AK9: variants seen among roughly 807,000 people sequenced by gnomAD.
AK9 encodes the protein adenylate kinase domain containing 1.
AK9 carries 191 observed loss-of-function variants against 239.6 expected under a neutral mutation model. The ratio of observed to expected loss-of-function variants is 0.80; its 90% CI spans 0.71 to 0.90. The LOEUF is 0.90. AK9 is among the 40% of genes least tolerant of loss of function. AK9 has a pLI of 0.00. For missense variants in AK9, 1,995 were observed against 2,214.7 expected, an observed-to-expected ratio of 0.90 and a Z score of 1.99; for synonymous variants, 689 against 721.0, an observed-to-expected ratio of 0.96 and a Z score of 0.71.
intron 19 of AK9, among the ~76,000 whole-genome samples, chr6:109,580,910 T>TG (rs1788772282): frequency 7.3e-6 from 1 of 137,758 alleles, no homozygotes; most frequent in Admixed American, 7.3e-5. Flanking sequence ...CGTGGTTTTT[T>TG]TTTGTGTTTT....
chr6:109,559,201 C>G (rs942987223), intron 24 of AK9, among the ~76,000 whole-genome samples: 1 of 148,926 alleles, frequency 6.7e-6, no homozygotes, highest in Non-Finnish European at 1.5e-5. Context: ...TGGGGTCTCT[C>G]TCTGTCGCCC....
intron 17 of AK9, among the ~76,000 whole-genome samples, chr6:109,589,314 G>T (rs1381699971): frequency 6.6e-6 from 1 of 151,952 alleles, no homozygotes; most frequent in Non-Finnish European, 1.5e-5. Flanking sequence ...ATGTATTCCT[G>T]GGTATTTTAT....
intron 12 of AK9, among the ~76,000 whole-genome samples, chr6:109,621,903 A>C (rs1257827576): frequency 0.064 from 4,222 of 66,282 alleles, 252 homozygotes; most frequent in African/African-American, 0.16. Context: ...TAAAAAAAAA[A>C]AAAAAAAAAC....
intron 1 of AK9, among the ~76,000 whole-genome samples, chr6:109,682,249 C>A (rs1772764889): frequency 6.6e-6 from 1 of 151,848 alleles, no homozygotes; most frequent in Non-Finnish European, 1.5e-5. Flanking sequence ...CAGGGTGAAA[C>A]CCCATCTCTA....
At chr6:109,599,314 C>A (rs1307053217) in intron 17 of AK9, among the ~76,000 whole-genome samples, 1 of 152,068 alleles carries the variant, frequency 6.6e-6, no homozygotes, top group Non-Finnish European at 1.5e-5. Flanking sequence ...TTTCCCAGCA[C>A]CATTTGTTGA....
At chr6:109,567,675 T>C (rs1786763937) in intron 21 of AK9, among the ~76,000 whole-genome samples, 2 of 136,036 alleles carry the variant, frequency 1.5e-5, no homozygotes, top group South Asian at 2.3e-4. Flanking sequence ...TAGGTGGGAA[T>C]TGAACAATGA....
rs1286473278 is a variant in AK9 at position 109,563,651 on chromosome 6, GTCTTCTGTT to G, written c.2688_2696del (p.Glu896_Glu898del). ...CATCAACCTCTGCTTCAGTCTGGTA[GTCTTCTGTT>G]TCTTCCTCATAATCTTCCCCAGTTA... On this transcript the variant is annotated inframe_deletion, in exon 24 of 41. Transcript: ENST00000424296. 1 of 1,550,382 alleles carries G rather than the reference GTCTTCTGTT, an allele frequency of 6.5e-7. No individual in the cohort carries two copies. Among genetic ancestry groups the G allele is most frequent in the African/African-American group, 1.4e-5 (1 of 72,986 alleles).
At chr6:109,568,427 AG>A (rs1176132016) in intron 21 of AK9, among the ~76,000 whole-genome samples, 2 of 152,188 alleles carry the variant, frequency 1.3e-5, no homozygotes, top group African/African-American at 4.8e-5. Context: ...AGTTCTGGCC[AG>A]GGAAATCAGG....
Position 109,533,333 on chromosome 6 carries a change from G to T in AK9, c.3488C>A (p.Ala1163Asp), listed in dbSNP as rs1781526192. Residue 1163 changes from alanine (A) to aspartate (D), a missense_variant, in exon 28 of 41, where the codon GCC (alanine) becomes GAC (aspartate). Physicochemically the swap from Ala to Asp is moderately radical, Grantham distance 126 (BLOSUM62 -2). Coordinates refer to ENST00000424296, the MANE Select transcript of AK9 (RefSeq NM_001145128.3). Reference sequence around the variant, plus strand: ...TTTTAGTTTCCACTTTTCAATTTGGGCAGGAAGGAGGCGATCAAAAATATC... The same window carrying T: ...TTTTAGTTTCCACTTTTCAATTTGGTCAGGAAGGAGGCGATCAAAAATATC... Reference protein sequence around the residue: ...DQDIFDRLLPAQIEKWKLKQK... With the variant: ...DQDIFDRLLPDQIEKWKLKQK... 6.2e-7 allele frequency: 1 copy of T among 1,611,498 alleles called. No individual in the cohort carries two copies.
intron 35 of AK9, among the ~76,000 whole-genome samples, chr6:109,500,444 T>C (rs543862651): frequency 6.6e-6 from 1 of 152,302 alleles, no homozygotes; most frequent in East Asian, 1.9e-4. Context: ...TAAAATTACT[T>C]TTTAAATACA....
In AK9 at chr6:109,656,897, G is replaced by A. The variant is rs1182461493; in HGVS notation, c.631-13C>T. Reference sequence around the variant, plus strand: ...CGGCAATAAATGCCTAAATGGAAAAGAAGAGATTTCAAATATCTTTAGGTC... The same window carrying A: ...CGGCAATAAATGCCTAAATGGAAAAAAAGAGATTTCAAATATCTTTAGGTC... On this transcript the variant is annotated splice_polypyrimidine_tract_variant and intron_variant, in intron 7 of 40. Coordinates refer to ENST00000424296, the MANE Select transcript of AK9 (RefSeq NM_001145128.3). 4 of 1,611,564 alleles carry A rather than the reference G, an allele frequency of 2.5e-6. No homozygotes were observed.
intron 27 of AK9, 26 bp downstream of exon 27, chr6:109,542,021 G>T: frequency 6.7e-7 from 1 of 1,503,108 alleles, no homozygotes; most frequent in South Asian, 1.3e-5. Context: ...GCAAATAAAT[G>T]TACAATTCTA....
intron 14 of AK9, 39 bp from the exon 15 acceptor site, chr6:109,614,335 T>C (rs1793910615): frequency 1.3e-6 from 2 of 1,546,112 alleles, no homozygotes; most frequent in South Asian, 1.2e-5. Flanking sequence ...AGCTAATCTA[T>C]TTATATTAGG....
chr6:109,512,265 G>A (rs1198324303), intron 32 of AK9, among the ~76,000 whole-genome samples: 1 of 152,122 alleles, frequency 6.6e-6, no homozygotes, highest in Non-Finnish European at 1.5e-5. Context: ...CAAATGCCGT[G>A]GCAACATCAG....
chr6:109,650,374 C>T (rs1348592376), intron 8 of AK9, among the ~76,000 whole-genome samples: 1 of 151,822 alleles, frequency 6.6e-6, no homozygotes, highest in Non-Finnish European at 1.5e-5. Context: ...ACAAAGAACT[C>T]AAATAAATTT....
chr6:109,591,498 A>G (rs1463232380), intron 17 of AK9, among the ~76,000 whole-genome samples: 1 of 152,084 alleles, frequency 6.6e-6, no homozygotes, highest in East Asian at 1.9e-4. Flanking sequence ...TTTTAAGTGG[A>G]GCATTTAGCC....
chr6:109,601,568 G>A (rs1791969561), intron 17 of AK9, among the ~76,000 whole-genome samples: 1 of 152,170 alleles, frequency 6.6e-6, no homozygotes. Context: ...GATTTGGGGT[G>A]GAGAGTTCTG....
At chr6:109,569,628 C>A (rs12194326) in intron 21 of AK9, among the ~76,000 whole-genome samples, 43,902 of 152,000 alleles carry the variant, frequency 0.29, 6,757 homozygotes, top group East Asian at 0.4. Context: ...AGGATATGAA[C>A]AGACACTTCT....
intron 1 of AK9, among the ~76,000 whole-genome samples, chr6:109,683,025 CA>C (rs1423356017): frequency 2.0e-5 from 3 of 152,180 alleles, no homozygotes; most frequent in Non-Finnish European, 4.4e-5. Context: ...CTGAATGCAG[CA>C]GCACATCAAA....
Sources: gnomAD v4.1 joint callset for allele counts (sites outside exome capture counted in the v4.1 genomes callset) on GRCh38, gnomAD v4.1.1 for gene constraint, MANE v1.5 for transcripts, NCBI Gene and HGNC (gene_info 2026-07-23, HGNC 2026-07-21) for gene names.